KCNIP1: variants seen among roughly 807,000 people sequenced by gnomAD.
The protein encoded by KCNIP1 is potassium voltage-gated channel interacting protein 1.
In KCNIP1, 18 loss-of-function variants were observed where a neutral mutation model predicts 33.0. The ratio of observed to expected loss-of-function variants is 0.55; its 90% CI spans 0.38 to 0.81. The LOEUF (loss-of-function observed/expected upper bound fraction) is 0.81, where lower values mean the gene tolerates loss of function less well. Among genes scored for constraint, KCNIP1 ranks in the 30% least tolerant of loss-of-function variants. KCNIP1 has a pLI of 0.00. For synonymous variants in KCNIP1, 93 were observed against 98.3 expected, an observed-to-expected ratio of 0.95 and a Z score of 0.32; for missense variants, 238 against 271.6, an observed-to-expected ratio of 0.88 and a Z score of 0.87.
intron 1 of KCNIP1, chr5:170,679,157 G>A (rs1050141375): frequency 3.9e-5 from 6 of 152,238 alleles, no homozygotes; most frequent in African/African-American, 1.4e-4. Context: ...CAGAGACAGT[G>A]GGGAGGGTGA....
chr5:170,503,724 TCACACACACACACACACACACACA>T (rs70979180), upstream of KCNIP1, among the ~76,000 whole-genome samples: 1 of 136,472 alleles, frequency 7.3e-6, no homozygotes, highest in Non-Finnish European at 1.6e-5. Flanking sequence ...CGCACGCACA[TCACACACACACACACACACACACA>T]CACACACACA....
chr5:170,605,156 G>A (rs1758856279), intron 1 of KCNIP1, among the ~76,000 whole-genome samples: 1 of 152,112 alleles, frequency 6.6e-6, no homozygotes. Context: ...ATGGGGATGA[G>A]AATCTGCCAT....
intron 1 of KCNIP1, among the ~76,000 whole-genome samples, chr5:170,568,315 A>G (rs1238521926): frequency 6.6e-6 from 1 of 152,164 alleles, no homozygotes; most frequent in Admixed American, 6.5e-5. Context: ...CTAAGATTAC[A>G]TGGAGGAATA....
At chr5:170,715,613 C>T (rs939648319) in intron 1 of KCNIP1, among the ~76,000 whole-genome samples, 2 of 152,146 alleles carry the variant, frequency 1.3e-5, no homozygotes, top group Admixed American at 6.5e-5. Context: ...ATATCACATG[C>T]GCAGGGCAAT....
At chr5:170,367,708 C>T (rs946768127) in intron 1 of KCNIP1, among the ~76,000 whole-genome samples, 1 of 152,196 alleles carries the variant, frequency 6.6e-6, no homozygotes, top group South Asian at 2.1e-4. Context: ...CTCTCAGAAC[C>T]GTTCCTGAAA....
At chr5:170,353,620 G>A (rs1031699236) in exon 1 of KCNIP1, 1 of 558,884 alleles carries the variant, frequency 1.8e-6, no homozygotes. Flanking sequence ...GCATCCTGAG[G>A]TCCTCCCGTG....
intron 1 of KCNIP1, among the ~76,000 whole-genome samples, chr5:170,559,743 T>C (rs1756968036): frequency 6.6e-6 from 1 of 152,192 alleles, no homozygotes; most frequent in Non-Finnish European, 1.5e-5. Context: ...CATTGGTAAA[T>C]GTTAACTGCC....
At chr5:170,401,516 C>T (rs1239548581) in intron 1 of KCNIP1, among the ~76,000 whole-genome samples, 3 of 152,110 alleles carry the variant, frequency 2.0e-5, no homozygotes, top group Non-Finnish European at 4.4e-5. Context: ...ATAATCCCAG[C>T]AGTTTGGGAA....
intron 1 of KCNIP1, among the ~76,000 whole-genome samples, chr5:170,606,611 G>C (rs1758930174): frequency 6.6e-6 from 1 of 152,110 alleles, no homozygotes; most frequent in Non-Finnish European, 1.5e-5. Context: ...CATCTTCCAG[G>C]GCTGTGGACT....
At chr5:170,467,021 A>ACC (rs1448538717) in intron 1 of KCNIP1, among the ~76,000 whole-genome samples, 1 of 152,182 alleles carries the variant, frequency 6.6e-6, no homozygotes, top group Non-Finnish European at 1.5e-5. Flanking sequence ...GTGTAATAAA[A>ACC]CCGAGACTCA....
At chr5:170,647,386 C>T (rs1046279260) in intron 1 of KCNIP1, among the ~76,000 whole-genome samples, 4 of 151,920 alleles carry the variant, frequency 2.6e-5, no homozygotes, top group Non-Finnish European at 4.4e-5. Context: ...ACTCTAAAGC[C>T]ATGATAATAA....
intron 1 of KCNIP1, among the ~76,000 whole-genome samples, chr5:170,592,577 G>A (rs945463905): frequency 3.9e-5 from 6 of 152,218 alleles, no homozygotes; most frequent in Non-Finnish European, 8.8e-5. Context: ...TAAATTGAGT[G>A]TGGTTTGAAA....
Position 170,718,831 on chromosome 5 carries a change from G to A in KCNIP1, c.135G>A (p.Gln45=), listed in dbSNP as rs771977715. Residue 45 remains glutamine (Q), a synonymous_variant, in exon 2 of 8, where the codon CAG becomes CAA. Coordinates refer to ENST00000328939, the MANE Select transcript of KCNIP1 (RefSeq NM_014592.4). ...AGGGACTGGAGCAGCTCGAGGCCCAGACCAACTTCACCAAGAGGGAGCTGC... is the reference window on the plus strand; with the variant it reads ...AGGGACTGGAGCAGCTCGAGGCCCAAACCAACTTCACCAAGAGGGAGCTGC... ...RPEGLEQLEA[Q]TNFTKRELQV... 15 of 1,609,858 alleles carry A rather than the reference G, an allele frequency of 9.3e-6. No individual in the cohort carries two copies. The highest frequency in any genetic ancestry group is 1.7e-5 in the Admixed American group (1 of 58,852).
intron 1 of KCNIP1, among the ~76,000 whole-genome samples, chr5:170,444,670 G>A (rs908474489): frequency 2.0e-5 from 3 of 149,990 alleles, no homozygotes; most frequent in African/African-American, 7.4e-5. Flanking sequence ...AATGCTACCA[G>A]TGTCTACAAA....
chr5:170,430,466 C>T (rs1292416409), intron 1 of KCNIP1, among the ~76,000 whole-genome samples: 1 of 152,204 alleles, frequency 6.6e-6, no homozygotes, highest in Admixed American at 6.5e-5. Flanking sequence ...ACACACCCTT[C>T]AAAGCCCAGC....
chr5:170,413,753 G>T (rs1755255875), intron 1 of KCNIP1, among the ~76,000 whole-genome samples: 2 of 151,996 alleles, frequency 1.3e-5, no homozygotes, highest in East Asian at 3.9e-4. Flanking sequence ...GCACAGACTG[G>T]TCTCCTCCAC....
intron 1 of KCNIP1, among the ~76,000 whole-genome samples, chr5:170,522,816 G>C (rs1030193172): frequency 1.3e-5 from 2 of 152,226 alleles, no homozygotes; most frequent in African/African-American, 4.8e-5. Flanking sequence ...AGTACAGCAG[G>C]AAGGAGAGGA....
At chr5:170,641,185 G>A (rs1196888042) in intron 1 of KCNIP1, among the ~76,000 whole-genome samples, 2 of 152,272 alleles carry the variant, frequency 1.3e-5, no homozygotes, top group African/African-American at 2.4e-5. Flanking sequence ...GCTGGCTTAT[G>A]GGCATGGCTT....
intron 1 of KCNIP1, among the ~76,000 whole-genome samples, chr5:170,410,352 G>A (rs575847514): frequency 7.3e-6 from 1 of 137,494 alleles, no homozygotes; most frequent in South Asian, 2.2e-4. Context: ...TCAGGAGATC[G>A]CAGACACAGT....
Sources: allele counts gnomAD v4.1 joint callset (sites outside exome capture counted in the v4.1 genomes callset), GRCh38; gene constraint gnomAD v4.1.1; transcripts MANE v1.5; gene names NCBI Gene and HGNC (gene_info 2026-07-23, HGNC 2026-07-21).